PLXDC2: variants seen among roughly 807,000 people sequenced by gnomAD.
PLXDC2 encodes the protein plexin domain-containing protein 2.
In PLXDC2, 40 loss-of-function variants were observed where a neutral mutation model predicts 68.9. The observed-to-expected ratio is 0.58, with a 90% CI of 0.45 to 0.76. The LOEUF (loss-of-function observed/expected upper bound fraction) is 0.76, where lower values mean the gene tolerates loss of function less well. Ranked by LOEUF, PLXDC2 falls within the 30% of genes least tolerant of loss-of-function variation. The probability of loss-of-function intolerance (pLI) is 0.00; values close to 1 mark genes in which losing one functional copy is unlikely to be tolerated. For missense variants in PLXDC2, 644 were observed against 661.9 expected, an observed-to-expected ratio of 0.97 and a Z score of 0.30; for synonymous variants, 243 against 234.2, an observed-to-expected ratio of 1.04 and a Z score of -0.34.
chr10:20,197,177 A>G (rs1177883518), intron 9 of PLXDC2, among the ~76,000 whole-genome samples: 2 of 152,222 alleles, frequency 1.3e-5, no homozygotes, highest in African/African-American at 4.8e-5. Flanking sequence ...ACTCTTAGGA[A>G]TTATATAACA....
At chr10:20,185,908 T>C (rs1215775496) in intron 9 of PLXDC2, among the ~76,000 whole-genome samples, 2 of 151,980 alleles carry the variant, frequency 1.3e-5, no homozygotes, top group Non-Finnish European at 2.9e-5. Flanking sequence ...TAATTTCAGA[T>C]AGACATTTAG....
intron 1 of PLXDC2, among the ~76,000 whole-genome samples, chr10:19,980,949 G>T (rs1834541325): frequency 1.3e-5 from 2 of 152,040 alleles, no homozygotes; most frequent in Non-Finnish European, 2.9e-5. Flanking sequence ...AATTCATTAA[G>T]GTTTACATTT....
intron 4 of PLXDC2, among the ~76,000 whole-genome samples, chr10:20,096,284 TA>T (rs1481000351): frequency 6.6e-6 from 1 of 152,182 alleles, no homozygotes; most frequent in Non-Finnish European, 1.5e-5. Flanking sequence ...ACCCACTTTT[TA>T]AATCAGGGCT....
chr10:20,206,060 A>G (rs560551559), intron 9 of PLXDC2, among the ~76,000 whole-genome samples: 2 of 152,154 alleles, frequency 1.3e-5, no homozygotes, highest in Non-Finnish European at 2.9e-5. Context: ...AGTATCTGAG[A>G]TGACGGCTAT....
intron 1 of PLXDC2, among the ~76,000 whole-genome samples, chr10:19,830,286 CT>C (rs2131308731): frequency 6.6e-6 from 1 of 152,332 alleles, no homozygotes; most frequent in South Asian, 2.1e-4. Flanking sequence ...AATACAATCT[CT>C]TAGTACCACA....
chr10:19,947,703 CTTTCTTTT>C (rs1003344077), intron 1 of PLXDC2, among the ~76,000 whole-genome samples: 1 of 110,042 alleles, frequency 9.1e-6, no homozygotes, highest in African/African-American at 3.1e-5. Context: ...TCTTTTCTTT[CTTTCTTTT>C]TTTTTTTTTT....
rs532592648 is a variant in PLXDC2 at position 20,280,527 on chromosome 10, A to T, written c.*708A>T. ...TGAGCTGTGACAAAATTTCCGAACA[A>T]TTAACTAAGGATTTGGGAAGAGGGG... On this transcript the variant is annotated 3_prime_UTR_variant, in exon 14 of 14. Coordinates refer to ENST00000377252, the MANE Select transcript of PLXDC2 (RefSeq NM_032812.9). 1 of 152,146 alleles carries T rather than the reference A, an allele frequency of 6.6e-6. No individual in the cohort carries two copies. The highest frequency in any genetic ancestry group is 2.4e-5 in the African/African-American group (1 of 41,504). The allele number at this position is 152,146 out of a possible 1,614,324, so 9.4% of individuals were successfully genotyped here.
intron 1 of PLXDC2, among the ~76,000 whole-genome samples, chr10:19,962,412 A>C (rs1834171756): frequency 1.4e-5 from 1 of 72,626 alleles, no homozygotes; most frequent in Non-Finnish European, 2.4e-5. Flanking sequence ...TTTTTTTGAG[A>C]TGGAGTCTTG....
intron 3 of PLXDC2, among the ~76,000 whole-genome samples, chr10:20,054,783 A>C (rs1244727911): frequency 1.3e-5 from 2 of 151,984 alleles, no homozygotes; most frequent in African/African-American, 4.8e-5. Flanking sequence ...CAGCACACCA[A>C]CATGGCACAT....
At chr10:19,992,312 T>G (rs1834763741) in intron 1 of PLXDC2, among the ~76,000 whole-genome samples, 2 of 152,154 alleles carry the variant, frequency 1.3e-5, no homozygotes, top group Non-Finnish European at 2.9e-5. Flanking sequence ...CCTAAACATT[T>G]TATGTGGTTT....
rs184124132 is a variant in PLXDC2, at chr10:19,893,092, G to A, written c.112+75901G>A. Among the ~76,000 whole-genome samples the A allele has an allele frequency of 1.6e-3, 238 of 152,148 alleles. 1 individual carries two copies. The highest frequency in any genetic ancestry group is 2.1e-3 in the Non-Finnish European group (144 of 68,002). ...GAAGGGTAATAATCCTGTTTCAAGGGGGTTAGCATAGGTAATCTTATCGGC... is the reference window on the plus strand; with the variant it reads ...GAAGGGTAATAATCCTGTTTCAAGGAGGTTAGCATAGGTAATCTTATCGGC... On this transcript the variant is annotated intron_variant, in intron 1 of 13. Transcript: ENST00000377252.
At chr10:19,831,659 C>T (rs1187216970) in intron 1 of PLXDC2, among the ~76,000 whole-genome samples, 5 of 152,132 alleles carry the variant, frequency 3.3e-5, no homozygotes, top group Admixed American at 1.3e-4. Context: ...GTTTAGCTCC[C>T]ACTTATAAGT....
At position 19,917,362 on chromosome 10, in the gene PLXDC2, T is replaced by G. The variant is rs562210016; in HGVS notation, c.113-84413T>G. 2.0e-5 allele frequency among the ~76,000 whole-genome samples: 3 copies of G among 152,244 alleles called. No individual in the cohort carries two copies. The East Asian group carries it at 5.8e-4, about 29-fold the overall frequency. On this transcript the variant is annotated intron_variant, in intron 1 of 13. Coordinates refer to ENST00000377252, the MANE Select transcript of PLXDC2 (RefSeq NM_032812.9). ...CTTTAAGCTCAGCCAGGCTACCTTATAAACAAAAATATATTTTCCATGATA... is the reference window on the plus strand; with the variant it reads ...CTTTAAGCTCAGCCAGGCTACCTTAGAAACAAAAATATATTTTCCATGATA...
chr10:20,248,969 G>A (rs764061019), intron 13 of PLXDC2, among the ~76,000 whole-genome samples: 29 of 152,176 alleles, frequency 1.9e-4, no homozygotes, highest in Non-Finnish European at 3.4e-4. Flanking sequence ...AAAGGAAGAA[G>A]AAACGCCATT....
rs562236633 is a variant in PLXDC2, at chr10:20,108,275, T to C, written c.542-35020T>C. 3.4e-4 allele frequency among the ~76,000 whole-genome samples: 51 copies of C among 152,220 alleles called. 3 individuals carry two copies. In the South Asian group the frequency reaches 0.01, roughly 31 times the overall value. ...AGATTGTCAGCAATTTAAAAAAAGA[T>C]TGGATCCCTTCTCAGATAAGCCTGG... On this transcript the variant is annotated intron_variant, in intron 4 of 13. Coordinates refer to ENST00000377252, the MANE Select transcript of PLXDC2 (RefSeq NM_032812.9).
chr10:19,962,620 G>A (rs1267587589), intron 1 of PLXDC2, among the ~76,000 whole-genome samples: 3 of 147,500 alleles, frequency 2.0e-5, no homozygotes, highest in African/African-American at 7.4e-5. Flanking sequence ...TCGATCTCCT[G>A]ACGTCGTGAT....
intron 13 of PLXDC2, among the ~76,000 whole-genome samples, chr10:20,275,130 G>A (rs1167883473): frequency 7.9e-5 from 12 of 152,092 alleles, no homozygotes; most frequent in African/African-American, 2.9e-4. Flanking sequence ...AGGTTGACCT[G>A]GGTGCAAAAA....
chr10:19,893,053 T>C (rs748663767), intron 1 of PLXDC2, among the ~76,000 whole-genome samples: 33 of 152,128 alleles, frequency 2.2e-4, no homozygotes, highest in Non-Finnish European at 4.3e-4. Context: ...GGCGTGGCTC[T>C]GACCTTCATC....
chr10:19,891,909 C>A (rs1403430786), intron 1 of PLXDC2, among the ~76,000 whole-genome samples: 2 of 152,048 alleles, frequency 1.3e-5, no homozygotes, highest in Non-Finnish European at 2.9e-5. Context: ...TTAAAGGATC[C>A]TTACTGAAAC....
Sources: allele counts gnomAD v4.1 joint callset (sites outside exome capture counted in the v4.1 genomes callset), GRCh38; gene constraint gnomAD v4.1.1; transcripts MANE v1.5; gene names NCBI Gene and HGNC (gene_info 2026-07-23, HGNC 2026-07-21).